CPAMD8: variants seen among roughly 807,000 people sequenced by gnomAD.
CPAMD8 encodes C3 and PZP like alpha-2-macroglobulin domain containing 8.
A neutral mutation model predicts 224.7 loss-of-function variants in CPAMD8; 146 were observed. The ratio of observed to expected loss-of-function variants is 0.65; its 90% CI spans 0.57 to 0.75. The LOEUF (loss-of-function observed/expected upper bound fraction) is 0.75. Ranked by LOEUF, CPAMD8 falls within the 30% of genes least tolerant of loss-of-function variation. CPAMD8 has a pLI of 0.00. For synonymous variants in CPAMD8, 966 were observed against 1,044.6 expected, an observed-to-expected ratio of 0.92 and a Z score of 1.45; for missense variants, 2,301 against 2,537.5, an observed-to-expected ratio of 0.91 and a Z score of 2.00.
At chr19:16,980,745 AG>A in intron 13 of CPAMD8, 59 bp from the exon 14 acceptor site, 1 of 1,378,884 alleles carries the variant, frequency 7.3e-7, no homozygotes, top group Non-Finnish European at 9.7e-7. Flanking sequence ...AACCCACCAC[AG>A]GAAGACGGCC....
chr19:17,015,905 G>A (rs1005511984), intron 3 of CPAMD8, among the ~76,000 whole-genome samples: 4 of 152,124 alleles, frequency 2.6e-5, no homozygotes, highest in Non-Finnish European at 4.4e-5. Flanking sequence ...CAGGGAAGAG[G>A]ATGCCTCCCA....
intron 21 of CPAMD8, 33 bp downstream of exon 21, chr19:16,947,041 G>T (rs368205586): frequency 6.4e-6 from 10 of 1,557,462 alleles, no homozygotes; most frequent in African/African-American, 1.4e-5. Context: ...GGCCTGGAGA[G>T]GGGGGACACC....
intron 12 of CPAMD8, among the ~76,000 whole-genome samples, chr19:16,992,933 A>T (rs1392060906): frequency 1.5e-5 from 2 of 134,294 alleles, no homozygotes; most frequent in East Asian, 4.1e-4. Context: ...CCTGTCTCTT[A>T]AAAAAAAAAA....
intron 3 of CPAMD8, 37 bp downstream of exon 3, chr19:17,020,294 A>G (rs2123243877): frequency 6.6e-7 from 1 of 1,509,272 alleles, no homozygotes. Context: ...CTTTATTTCC[A>G]AGGTCAGGTT....
At chr19:17,002,408 G>T in intron 8 of CPAMD8, 58 bp from the exon 9 acceptor site, 2 of 1,199,538 alleles carry the variant, frequency 1.7e-6, no homozygotes, top group Non-Finnish European at 2.4e-6. Context: ...GGCCTCAGGA[G>T]CCCTGACACC....
intron 25 of CPAMD8, among the ~76,000 whole-genome samples, chr19:16,927,677 T>C (rs779067002): frequency 2.6e-5 from 4 of 152,202 alleles, no homozygotes; most frequent in South Asian, 2.1e-4. Context: ...CTTGGCCCAC[T>C]GCCCTCACAG....
chr19:16,895,927 A>ACACACGCGCG (rs146763898), intron 41 of CPAMD8: 35 of 581,696 alleles, frequency 6.0e-5, no homozygotes, highest in Middle Eastern at 8.8e-4. Context: ...ACACACACAC[A>ACACACGCGCG]CGCGCGCGTG....
intron 20 of CPAMD8, 122 bp from the exon 21 acceptor site, chr19:16,947,349 A>G (rs2054139865): frequency 8.1e-7 from 1 of 1,235,322 alleles, no homozygotes; most frequent in East Asian, 2.5e-5. Flanking sequence ...CCAAAGAGCC[A>G]TGCTCCCCCC....
intron 18 of CPAMD8, 69 bp downstream of exon 18, chr19:16,970,822 G>T: frequency 7.0e-7 from 1 of 1,438,316 alleles, no homozygotes; most frequent in Non-Finnish European, 9.7e-7. Context: ...AGCCAGGAAG[G>T]ACAAAGACAA....
intron 3 of CPAMD8, among the ~76,000 whole-genome samples, chr19:17,016,594 C>T (rs1416996028): frequency 1.3e-5 from 2 of 152,088 alleles, no homozygotes; most frequent in Admixed American, 6.6e-5. Flanking sequence ...AACCCCACCT[C>T]TATTGAAAAT....
chr19:16,969,480 T>C (rs2054972499), intron 18 of CPAMD8, among the ~76,000 whole-genome samples: 3 of 152,148 alleles, frequency 2.0e-5, no homozygotes, highest in Non-Finnish European at 4.4e-5. Flanking sequence ...TGAAAATTCA[T>C]ATGTTCAAAT....
At chr19:16,976,715 G>A (rs2055287121) in intron 15 of CPAMD8, among the ~76,000 whole-genome samples, 3 of 151,910 alleles carry the variant, frequency 2.0e-5, no homozygotes, top group African/African-American at 7.3e-5. Flanking sequence ...GAAGGCAGGT[G>A]CTGGCGGAGA....
At position 16,981,280 on chromosome 19, in the gene CPAMD8, G is replaced by T. The variant is rs1568559246; in HGVS notation, c.1396-594C>A. Among the ~76,000 whole-genome samples, 2 of 152,072 alleles carry T rather than the reference G, an allele frequency of 1.3e-5. 1 individual carries two copies. Among genetic ancestry groups the T allele is most frequent in the Non-Finnish European group, 2.9e-5 (2 of 68,026 alleles). ...GGGGGCTGAAGTGGGAGGGTCACTT[G>T]AGCCTAGGAAGTCAAGGCTGCAGTG... On this transcript the variant is annotated intron_variant, in intron 13 of 41. Transcript: ENST00000443236.
chr19:16,924,307 C>T (rs866094775), intron 26 of CPAMD8, among the ~76,000 whole-genome samples: 3 of 152,072 alleles, frequency 2.0e-5, no homozygotes, highest in Non-Finnish European at 2.9e-5. Context: ...GTCTGAACTG[C>T]GAGTTGGCTG....
chr19:16,893,737 G>A (rs2144660135), intron 41 of CPAMD8: 1 of 185,346 alleles, frequency 5.4e-6, no homozygotes, highest in Admixed American at 5.6e-5. Context: ...TCACGGTGAG[G>A]AAGCACCGGG....
intron 29 of CPAMD8, among the ~76,000 whole-genome samples, chr19:16,909,345 C>A (rs2052638581): frequency 6.6e-6 from 1 of 152,008 alleles, no homozygotes; most frequent in Admixed American, 6.6e-5. Flanking sequence ...GAGATCGAGA[C>A]CATCCTGGCT....
At chr19:16,908,145 G>A (rs982407520) in intron 29 of CPAMD8, among the ~76,000 whole-genome samples, 4 of 152,018 alleles carry the variant, frequency 2.6e-5, no homozygotes, top group Non-Finnish European at 5.9e-5. Context: ...GATCACTTGA[G>A]GTCAGGAGTT....
intron 30 of CPAMD8, among the ~76,000 whole-genome samples, chr19:16,905,569 G>GAAAAAAAAA (rs397955787): frequency 4.3e-3 from 393 of 91,948 alleles, no homozygotes; most frequent in Middle Eastern, 6.5e-3. Context: ...AGGAAGAAAA[G>GAAAAAAAAA]AAAAAAAAAA....
intron 13 of CPAMD8, among the ~76,000 whole-genome samples, chr19:16,982,296 G>T (rs2122783688): frequency 6.6e-6 from 1 of 152,182 alleles, no homozygotes; most frequent in African/African-American, 2.4e-5. Flanking sequence ...GGGAAGCTAA[G>T]GCGGAAGGAT....
Sources: allele counts gnomAD v4.1 joint callset (sites outside exome capture counted in the v4.1 genomes callset), GRCh38; gene constraint gnomAD v4.1.1; transcripts MANE v1.5; gene names NCBI Gene and HGNC (gene_info 2026-07-23, HGNC 2026-07-21).